CFI: variants seen among roughly 807,000 people sequenced by gnomAD.
The protein encoded by CFI is C3B/C4B inactivator.
Under a neutral mutation model 78.8 loss-of-function variants are expected in CFI, and 66 were observed. The ratio of observed to expected loss-of-function variants is 0.84; its 90% CI spans 0.69 to 1.03. CFI has a LOEUF of 1.03. Among genes scored for constraint, CFI ranks in the 50% least tolerant of loss-of-function variants. The probability of loss-of-function intolerance (pLI) is 0.00; values close to 1 mark genes in which losing one functional copy is unlikely to be tolerated. For missense variants in CFI, 706 were observed against 704.5 expected, an observed-to-expected ratio of 1.00 and a Z score of -0.02; for synonymous variants, 250 against 232.6, an observed-to-expected ratio of 1.07 and a Z score of -0.68.
intron 1 of CFI, among the ~76,000 whole-genome samples, chr4:109,768,334 T>TAAAAAAAAAAAAAAAAAA (rs756365540): frequency 3.2e-5 from 2 of 63,182 alleles, no homozygotes; most frequent in Non-Finnish European, 5.9e-5. Flanking sequence ...GAAGAAATCC[T>TAAAAAAAAAAAAAAAAAA]AAAAAAAAAA....
the CFI span, among the ~76,000 whole-genome samples, chr4:109,733,699 TAGAG>T: frequency 2.0e-5 from 3 of 152,164 alleles, no homozygotes; most frequent in Admixed American, 6.5e-5. Context: ...AGCCACAGGA[TAGAG>T]AGAGTTCTAA....
chr4:109,764,815 C>G (rs568497355), intron 2 of CFI, 125 bp from the exon 3 acceptor site: 2 of 868,064 alleles, frequency 2.3e-6, no homozygotes, highest in East Asian at 5.3e-5. Context: ...ACGATTTTAA[C>G]AAGTAATAGT....
At chr4:109,740,348 AAG>A (rs975974037), downstream of CFI, among the ~76,000 whole-genome samples, 1 of 151,220 alleles carries the variant, frequency 6.6e-6, no homozygotes, top group Non-Finnish European at 1.5e-5. Context: ...AAGAGAGAGA[AAG>A]AGAGAAAGAA....
At chr4:109,744,594 C>G (rs547481290) in intron 11 of CFI, among the ~76,000 whole-genome samples, 2 of 152,268 alleles carry the variant, frequency 1.3e-5, no homozygotes, top group South Asian at 4.2e-4. Flanking sequence ...GAGACTTTTT[C>G]TCCATCTAGT....
the CFI span, among the ~76,000 whole-genome samples, chr4:109,731,046 A>G: frequency 6.6e-6 from 1 of 152,180 alleles, no homozygotes; most frequent in Non-Finnish European, 1.5e-5. Context: ...AGTAAGATCC[A>G]GAGCAATGTT....
At chr4:109,734,056 C>A in the CFI span, among the ~76,000 whole-genome samples, 1 of 152,082 alleles carries the variant, frequency 6.6e-6, no homozygotes, top group Non-Finnish European at 1.5e-5. Flanking sequence ...CCTGTAGTCC[C>A]AGCTACTTGG....
At chr4:109,759,565 G>T (rs761537332) in intron 6 of CFI, among the ~76,000 whole-genome samples, 3 of 152,088 alleles carry the variant, frequency 2.0e-5, no homozygotes, top group Non-Finnish European at 4.4e-5. Context: ...TATCACTGGA[G>T]ATGCATATAA....
At chr4:109,796,580 T>A (rs561002654) in intron 1 of CFI, among the ~76,000 whole-genome samples, 3 of 152,264 alleles carry the variant, frequency 2.0e-5, no homozygotes, top group African/African-American at 7.2e-5. Flanking sequence ...GGTGGGAGGA[T>A]CCTTTGAGGC....
At position 109,742,560 on chromosome 4, in the gene CFI, C is replaced by T. The variant is rs376327484; in HGVS notation, c.1465G>A (p.Val489Ile). The stretch of plus-strand genomic sequence containing the variant: ...TTAGAGCAGTTGCTTATTAGTTTAA[C>T]TTCACCCCACTGAAGTGAAAAGACT... ...ERVFSLQWGE[V>I]KLISNCSKFY... The change falls in exon 12 of 13, where the codon GTT becomes ATT. Residue 489 changes from valine to isoleucine, a missense_variant. Coordinates refer to ENST00000394634, the MANE Select transcript of CFI (RefSeq NM_000204.5). 1.3e-5 allele frequency: 21 copies of T among 1,613,328 alleles called. No homozygotes were observed. The African/African-American group carries it at 2.8e-4, about 22-fold the overall frequency.
chr4:109,773,960 G>A (rs1398137576), intron 1 of CFI, among the ~76,000 whole-genome samples: 2 of 152,214 alleles, frequency 1.3e-5, no homozygotes, highest in African/African-American at 4.8e-5. Flanking sequence ...TTGTAGCCCA[G>A]TAATTTCCAA....
At chr4:109,764,035 TA>T (rs1727411207) in intron 3 of CFI, among the ~76,000 whole-genome samples, 1 of 148,812 alleles carries the variant, frequency 6.7e-6, no homozygotes, top group African/African-American at 2.4e-5. Flanking sequence ...TTGTACACTA[TA>T]CTCATAGTAT....
chr4:109,799,378 C>A (rs1202291529), intron 1 of CFI, among the ~76,000 whole-genome samples: 1 of 152,192 alleles, frequency 6.6e-6, no homozygotes, highest in Non-Finnish European at 1.5e-5. Context: ...ATAGAAAAGA[C>A]AAACACATTA....
At chr4:109,783,762 G>T (rs2125850647) in intron 1 of CFI, among the ~76,000 whole-genome samples, 1 of 148,242 alleles carries the variant, frequency 6.7e-6, no homozygotes, top group South Asian at 2.1e-4. Context: ...TTGCAAAATC[G>T]CAGAGCCAAT....
downstream of CFI, among the ~76,000 whole-genome samples, chr4:109,740,078 G>T (rs1451453291): frequency 6.6e-6 from 1 of 152,166 alleles, no homozygotes; most frequent in African/African-American, 2.4e-5. Flanking sequence ...AGGATCCCTT[G>T]AGCCTAGGAG....
chr4:109,764,408 C>T (rs146255431), intron 3 of CFI, 129 bp downstream of exon 3: 20 of 1,023,808 alleles, frequency 2.0e-5, no homozygotes, highest in South Asian at 2.6e-5. Context: ...CATAACAATG[C>T]TATGATGCAC....
chr4:109,787,944 T>C (rs1416104700), intron 1 of CFI, among the ~76,000 whole-genome samples: 3 of 152,090 alleles, frequency 2.0e-5, no homozygotes, highest in Non-Finnish European at 4.4e-5. Flanking sequence ...GTAAAAGTTA[T>C]GTTTCCTTCC....
downstream of CFI, among the ~76,000 whole-genome samples, chr4:109,737,598 C>T (rs1304517713): frequency 1.3e-5 from 2 of 152,202 alleles, no homozygotes. Flanking sequence ...TTCAGGCGAG[C>T]TCACAGAAGC....
chr4:109,772,333 T>C (rs1357307007), intron 1 of CFI, among the ~76,000 whole-genome samples: 2 of 152,268 alleles, frequency 1.3e-5, no homozygotes, highest in Admixed American at 6.5e-5. Context: ...AAGAGGTTTG[T>C]AAATGCATGT....
At chr4:109,789,402 A>G (rs1731106371) in intron 1 of CFI, among the ~76,000 whole-genome samples, 1 of 151,850 alleles carries the variant, frequency 6.6e-6, no homozygotes, top group Admixed American at 6.6e-5. Context: ...TTGGAAACCA[A>G]TAACTAAGAG....
Sources: allele counts gnomAD v4.1 joint callset (sites outside exome capture counted in the v4.1 genomes callset), GRCh38; gene constraint gnomAD v4.1.1; transcripts MANE v1.5; gene names NCBI Gene and HGNC (gene_info 2026-07-23, HGNC 2026-07-21).